The following BCO1 variants were observed in gnomAD, a reference collection of about 807,000 sequenced individuals.
BCO1 encodes beta-carotene oxygenase 1, also known as beta,beta-carotene 15,15'-dioxygenase.
A neutral mutation model predicts 56.3 loss-of-function variants in BCO1; 54 were observed. The ratio of observed to expected loss-of-function variants is 0.96; its 90% confidence interval spans 0.77 to 1.20. The LOEUF (loss-of-function observed/expected upper bound fraction) is 1.20, where lower values mean the gene tolerates loss of function less well. BCO1 is among the 50% of genes most tolerant of loss of function. The probability of loss-of-function intolerance (pLI) is 0.00; values close to 1 mark genes in which losing one functional copy is unlikely to be tolerated. For missense variants in BCO1, 801 were observed against 690.9 expected, an observed-to-expected ratio of 1.16 and a Z score of -1.79; for synonymous variants, 318 against 266.1, an observed-to-expected ratio of 1.20 and a Z score of -1.90.
intron 2 of BCO1, among the ~76,000 whole-genome samples, 177 bp from the exon 3 acceptor site, chr16:81,259,499 T>A (rs1906348720): frequency 6.6e-6 from 1 of 152,050 alleles, no homozygotes; most frequent in South Asian, 2.1e-4. Context: ...AAAAAAATAA[T>A]AATAATAAAT....
In BCO1 at chr16:81,291,114, A is replaced by G. The variant is rs1908433938; in HGVS notation, c.*537A>G. On this transcript the variant is annotated 3_prime_UTR_variant, in exon 11 of 11. Coordinates refer to ENST00000258168, the MANE Select transcript of BCO1 (RefSeq NM_017429.3). ...GTCATTCCATGCAAGTCATGGCGTA[A>G]TATAAAATAATAAAAACTTTAAAGT... 1 of 153,728 alleles carries G rather than the reference A, an allele frequency of 6.5e-6. No homozygotes were observed. The highest frequency in any genetic ancestry group is 1.5e-5 in the Non-Finnish European group (1 of 68,784). 9.5% of individuals were successfully genotyped at this position (153,728 alleles called of 1,614,324 possible).
chr16:81,274,902 A>G (rs1363751704), intron 7 of BCO1, among the ~76,000 whole-genome samples: 1 of 144,300 alleles, frequency 6.9e-6, no homozygotes, highest in African/African-American at 2.6e-5. Flanking sequence ...ACTCCATCTC[A>G]AAAAAAAAAA....
intron 7 of BCO1, among the ~76,000 whole-genome samples, chr16:81,272,245 C>A (rs1018070444): frequency 6.6e-6 from 1 of 151,476 alleles, no homozygotes; most frequent in Non-Finnish European, 1.5e-5. Context: ...TCCCAAGTAG[C>A]TGGGACTACA....
chr16:81,270,668 G>T (rs1907140522), intron 7 of BCO1, among the ~76,000 whole-genome samples: 1 of 136,146 alleles, frequency 7.3e-6, no homozygotes, highest in African/African-American at 2.6e-5. Flanking sequence ...ATATATGTTT[G>T]TCTCCCAGTC....
intron 7 of BCO1, among the ~76,000 whole-genome samples, chr16:81,270,780 T>C (rs570832912): frequency 6.6e-6 from 1 of 151,960 alleles, no homozygotes; most frequent in Non-Finnish European, 1.5e-5. Flanking sequence ...AGTCTCGCTC[T>C]GTCACCCAGG....
intron 7 of BCO1, among the ~76,000 whole-genome samples, chr16:81,275,012 T>G (rs1452477884): frequency 6.6e-6 from 1 of 152,230 alleles, no homozygotes; most frequent in East Asian, 1.9e-4. Flanking sequence ...AATTGCTACT[T>G]ATTGTCCCTT....
At chr16:81,247,945 CTT>C (rs1905522192) in intron 2 of BCO1, among the ~76,000 whole-genome samples, 1 of 152,188 alleles carries the variant, frequency 6.6e-6, no homozygotes, top group Non-Finnish European at 1.5e-5. Context: ...AACTGTGTAA[CTT>C]TGGCCAAGGT....
intron 5 of BCO1, among the ~76,000 whole-genome samples, chr16:81,267,651 T>C (rs1906910669): frequency 6.6e-6 from 1 of 152,086 alleles, no homozygotes; most frequent in Non-Finnish European, 1.5e-5. Context: ...CCCCAGGCTA[T>C]AGGTGAAGAC....
chr16:81,244,638 A>C (rs1905288484), intron 1 of BCO1, among the ~76,000 whole-genome samples: 1 of 148,332 alleles, frequency 6.7e-6, no homozygotes, highest in Non-Finnish European at 1.5e-5. Flanking sequence ...AGCTGACCAC[A>C]CCCTCCTGCT....
At chr16:81,276,848 C>G (rs1454097984) in intron 7 of BCO1, among the ~76,000 whole-genome samples, 1 of 151,988 alleles carries the variant, frequency 6.6e-6, no homozygotes, top group Non-Finnish European at 1.5e-5. Flanking sequence ...AGGCAGATCA[C>G]TTGAGGTCAG....
chr16:81,240,917 C>G (rs1220305497), intron 1 of BCO1, among the ~76,000 whole-genome samples: 3 of 150,378 alleles, frequency 2.0e-5, no homozygotes, highest in Non-Finnish European at 3.0e-5. Context: ...TCACCACAAC[C>G]TCTGCCTCCT....
At chr16:81,268,246 C>T in intron 6 of BCO1, 115 bp downstream of exon 6, 2 of 954,824 alleles carry the variant, frequency 2.1e-6, no homozygotes, top group Admixed American at 2.0e-5. Context: ...GAGGAGGCTA[C>T]CAGAGGCATC....
chr16:81,259,671 T>C lies in BCO1; in HGVS notation c.194-5T>C. On this transcript the variant is annotated splice_region_variant and splice_polypyrimidine_tract_variant and intron_variant, in intron 2 of 10. Coordinates refer to ENST00000258168, the MANE Select transcript of BCO1 (RefSeq NM_017429.3). ...CCTGAGATTATGCTGGTTCTTCTCT[T>C]GCAGGTGAAGTCTATTACAGGAGCA... The C allele has an allele frequency of 1.2e-6, 2 of 1,614,216 alleles. No individual in the cohort carries two copies. The highest frequency in any genetic ancestry group is 1.7e-6 in the Non-Finnish European group (2 of 1,180,030).
intron 8 of BCO1, among the ~76,000 whole-genome samples, chr16:81,282,350 C>T (rs1467923927): frequency 6.6e-6 from 1 of 152,148 alleles, no homozygotes; most frequent in African/African-American, 2.4e-5. Context: ...CACTGCACTC[C>T]AGCCTGGGCA....
rs1176582576 is a variant in BCO1 at position 81,245,849 on chromosome 16, CTTTTTTTT to C, written c.193+265_193+272del. 0.073 allele frequency among the ~76,000 whole-genome samples: 6,795 copies of C among 93,354 alleles called. 464 individuals are homozygous for C. The highest frequency in any genetic ancestry group is 0.19 in the African/African-American group (4,912 of 26,442). 61.2% of individuals were successfully genotyped at this position (93,354 alleles called of 152,430 possible). ...CCTTGACTTGTGGCTCCATCTCTGT[CTTTTTTTT>C]TTTTTTTTTTTTTTTTTTCTCTGAG... On this transcript the variant is annotated intron_variant, in intron 2 of 10. Transcript: ENST00000258168.
chr16:81,271,854 A>G (rs1406380406), intron 7 of BCO1, among the ~76,000 whole-genome samples: 1 of 151,720 alleles, frequency 6.6e-6, no homozygotes, highest in African/African-American at 2.4e-5. Flanking sequence ...GGTTCAAGCA[A>G]TTCTTGTGCC....
At position 81,290,326 on chromosome 16, in the gene BCO1, T is replaced by A. The variant is rs764599525; in HGVS notation, c.1415-22T>A. ...CTGAAGCCTGCACTTTTACGAAGTG[T>A]TTTTTTTCTGTTTCCCTAAAGGAGT... On this transcript the variant is annotated intron_variant, in intron 10 of 10. Transcript: ENST00000258168. The A allele has an allele frequency of 1.4e-5, 23 of 1,590,004 alleles. No individual in the cohort carries two copies. In the East Asian group the frequency reaches 4.5e-4, roughly 31 times the overall value.
chr16:81,272,323 T>G (rs966115277), intron 7 of BCO1, among the ~76,000 whole-genome samples: 9 of 151,514 alleles, frequency 5.9e-5, no homozygotes, highest in South Asian at 2.1e-4. Flanking sequence ...TTTCACCGTG[T>G]TAGCCAGGAT....
intron 8 of BCO1, among the ~76,000 whole-genome samples, chr16:81,282,160 C>A (rs1907919291): frequency 6.6e-6 from 1 of 152,200 alleles, no homozygotes; most frequent in African/African-American, 2.4e-5. Context: ...GGGCAGATCA[C>A]TTGAGGCCAG....
Sources: allele counts gnomAD v4.1 joint callset (sites outside exome capture counted in the v4.1 genomes callset), GRCh38; gene constraint gnomAD v4.1.1; transcripts MANE v1.5; gene names NCBI Gene and HGNC (gene_info 2026-07-23, HGNC 2026-07-21).